VPS35L: variants seen among roughly 807,000 people sequenced by gnomAD.
VPS35L encodes VPS35 endosomal protein-sorting factor-like.
A neutral mutation model predicts 133.0 loss-of-function variants in VPS35L; 83 were observed. The ratio of observed to expected loss-of-function variants is 0.62; its 90% CI spans 0.52 to 0.75. The LOEUF is 0.75. Ranked by LOEUF, VPS35L falls within the 30% of genes least tolerant of loss-of-function variation. The probability of loss-of-function intolerance (pLI) is 0.00; values close to 1 mark genes in which losing one functional copy is unlikely to be tolerated. For synonymous variants in VPS35L, 423 were observed against 449.9 expected, an observed-to-expected ratio of 0.94 and a Z score of 0.76; for missense variants, 1,083 against 1,206.8, an observed-to-expected ratio of 0.90 and a Z score of 1.52.
intron 2 of VPS35L, 60 bp downstream of exon 2, chr16:19,565,010 C>A (rs941286148): frequency 5.3e-6 from 7 of 1,308,446 alleles, no homozygotes; most frequent in Non-Finnish European, 7.6e-6. Context: ...GAAAGACAAT[C>A]TTCCTGAGTC....
At chr16:19,644,097 A>T (rs184129116) in intron 22 of VPS35L, among the ~76,000 whole-genome samples, 2,164 of 151,350 alleles carry the variant, frequency 0.014, 52 homozygotes, top group African/African-American at 0.048. Context: ...GCTCTTAAAA[A>T]TTTTTTTTTT....
chr16:19,670,487 A>G (rs533814895), intron 27 of VPS35L, among the ~76,000 whole-genome samples: 1 of 152,352 alleles, frequency 6.6e-6, no homozygotes, highest in East Asian at 1.9e-4. Context: ...CTGGGTTGCC[A>G]TGAATATTAA....
At chr16:19,608,927 G>T in intron 10 of VPS35L, 47 bp from the exon 11 acceptor site, 1 of 1,564,318 alleles carries the variant, frequency 6.4e-7, no homozygotes, top group South Asian at 1.1e-5. Context: ...TCTCCATAGG[G>T]AGTAGACCTT....
intron 8 of VPS35L, among the ~76,000 whole-genome samples, chr16:19,596,891 C>T (rs9928575): frequency 0.025 from 3,853 of 151,934 alleles, 169 homozygotes; most frequent in African/African-American, 0.089. Context: ...AGGTGGTACG[C>T]GCCTGTAATC....
At chr16:19,563,577 T>G (rs1171535129) in intron 1 of VPS35L, among the ~76,000 whole-genome samples, 1 of 152,226 alleles carries the variant, frequency 6.6e-6, no homozygotes, top group Non-Finnish European at 1.5e-5. Flanking sequence ...TTCACGTTGC[T>G]TGTGTCTTTG....
chr16:19,583,745 G>A (rs192872030), intron 7 of VPS35L, among the ~76,000 whole-genome samples: 1 of 151,174 alleles, frequency 6.6e-6, no homozygotes, highest in Non-Finnish European at 1.5e-5. Flanking sequence ...AAAACAGAAA[G>A]AAAAGAAAAT....
intron 9 of VPS35L, among the ~76,000 whole-genome samples, chr16:19,607,097 C>T (rs1972559565): frequency 6.6e-6 from 1 of 152,204 alleles, no homozygotes; most frequent in Admixed American, 6.5e-5. Context: ...TTTCATTTCT[C>T]CATATTCTCT....
chr16:19,685,905 TTCCTCTCCC>T (rs1281958691), intron 28 of VPS35L, among the ~76,000 whole-genome samples: 2 of 151,500 alleles, frequency 1.3e-5, no homozygotes, highest in Admixed American at 6.6e-5. Flanking sequence ...TCTCCTCTCC[TTCCTCTCCC>T]TCCTCTCCTT....
chr16:19,625,758 C>T (rs1312090352), intron 14 of VPS35L, among the ~76,000 whole-genome samples: 2 of 152,100 alleles, frequency 1.3e-5, no homozygotes, highest in African/African-American at 2.4e-5. Flanking sequence ...ATAGCAGCCT[C>T]CACCTCCTGG....
At chr16:19,691,999 C>CAA (rs1164650842) in intron 29 of VPS35L, among the ~76,000 whole-genome samples, 1 of 152,076 alleles carries the variant, frequency 6.6e-6, no homozygotes, top group African/African-American at 2.4e-5. Flanking sequence ...CTCAGCCTCC[C>CAA]AAGTAGCTGG....
intron 5 of VPS35L, among the ~76,000 whole-genome samples, chr16:19,577,350 T>C (rs1193420227): frequency 1.3e-5 from 2 of 152,108 alleles, no homozygotes; most frequent in African/African-American, 4.8e-5. Flanking sequence ...CCAGTTCTCA[T>C]GGGAAGTAAG....
At chr16:19,601,599 A>C in intron 8 of VPS35L, 65 bp from the exon 9 acceptor site, 1 of 1,524,366 alleles carries the variant, frequency 6.6e-7, no homozygotes, top group Middle Eastern at 1.8e-4. Context: ...CTAATTAACA[A>C]ACATTTATTT....
At chr16:19,637,977 A>T (rs918279666) in intron 20 of VPS35L, among the ~76,000 whole-genome samples, 8 of 152,256 alleles carry the variant, frequency 5.3e-5, no homozygotes, top group African/African-American at 1.9e-4. Flanking sequence ...GCTCTTCCAC[A>T]GTGATTTTCA....
chr16:19,570,846 T>C (rs1317584524), intron 3 of VPS35L, among the ~76,000 whole-genome samples: 1 of 8,942 alleles, frequency 1.1e-4, no homozygotes, highest in Non-Finnish European at 1.6e-4. Flanking sequence ...TATATATATA[T>C]ATATATATAT....
rs35287436 is a variant in VPS35L at position 19,691,375 on chromosome 16, C to T, written c.2550C>T (p.Tyr850=). The change falls in exon 29 of 31, where the codon TAC becomes TAT. Residue 850 remains tyrosine (Y), a synonymous_variant. Transcript: ENST00000417362. Reference sequence around the variant, plus strand: ...CAGTGGACTCCAACGACAGCCTCTACGGGGGAGACTCCAAGTTCCTGGCAG... The same window carrying T: ...CAGTGGACTCCAACGACAGCCTCTATGGGGGAGACTCCAAGTTCCTGGCAG... ...IDKVDSNDSL[Y]GGDSKFLAEN... The T allele has an allele frequency of 2.2e-4, 363 of 1,613,620 alleles. No homozygotes were observed. In the African/African-American group the frequency reaches 3.8e-3, roughly 17 times the overall value.
At chr16:19,578,692 AAG>A (rs772907718) in intron 5 of VPS35L, 12 of 326,700 alleles carry the variant, frequency 3.7e-5, no homozygotes, top group Non-Finnish European at 7.1e-5. Context: ...GTAAGAGCCT[AAG>A]AGGGCCTTTT....
At chr16:19,658,933 G>A (rs1485251055) in intron 26 of VPS35L, among the ~76,000 whole-genome samples, 2 of 142,638 alleles carry the variant, frequency 1.4e-5, no homozygotes, top group African/African-American at 6.1e-5. Flanking sequence ...TCTTTATTTT[G>A]CAGCTGGAGA....
chr16:19,618,829 AT>A (rs1423671343), intron 14 of VPS35L, among the ~76,000 whole-genome samples: 1 of 151,880 alleles, frequency 6.6e-6, no homozygotes, highest in African/African-American at 2.4e-5. Flanking sequence ...TGATTTTTAT[AT>A]CTGTGCGAGA....
At chr16:19,615,828 C>T (rs148634504) in intron 12 of VPS35L, among the ~76,000 whole-genome samples, 2 of 148,608 alleles carry the variant, frequency 1.3e-5, no homozygotes, top group African/African-American at 5.0e-5. Flanking sequence ...TCAGCCAGGC[C>T]TGGTGACACA....
Sources: allele counts gnomAD v4.1 joint callset (sites outside exome capture counted in the v4.1 genomes callset), GRCh38; gene constraint gnomAD v4.1.1; transcripts MANE v1.5; gene names NCBI Gene and HGNC (gene_info 2026-07-23, HGNC 2026-07-21).